PCSK5: variants seen among roughly 807,000 people sequenced by gnomAD.
PCSK5 encodes prohormone convertase 5.
In PCSK5, 129 loss-of-function variants were observed where a neutral mutation model predicts 233.2. The ratio of observed to expected loss-of-function variants is 0.55; its 90% CI spans 0.48 to 0.64. PCSK5 has a LOEUF of 0.64. PCSK5 is among the 30% of genes least tolerant of loss of function. PCSK5 has a pLI of 0.00. For synonymous variants in PCSK5, 825 were observed against 879.2 expected, an observed-to-expected ratio of 0.94 and a Z score of 1.09; for missense variants, 2,076 against 2,430.1, an observed-to-expected ratio of 0.85 and a Z score of 3.06.
chr9:75,938,349 A>G (rs912158399), intron 2 of PCSK5, among the ~76,000 whole-genome samples: 1 of 152,222 alleles, frequency 6.6e-6, no homozygotes, highest in South Asian at 2.1e-4. Flanking sequence ...GTCAGAACAA[A>G]CGCAACATTT....
At chr9:76,298,419 T>A (rs538623609) in intron 27 of PCSK5, among the ~76,000 whole-genome samples, 1 of 152,192 alleles carries the variant, frequency 6.6e-6, no homozygotes, top group Admixed American at 6.5e-5. Context: ...ACAAAAGCAA[T>A]CAAGTCAACG....
At position 75,890,993 on chromosome 9, in the gene PCSK5, A is replaced by G. The variant is rs1564062788; in HGVS notation, c.-189A>G. 4.3e-6 allele frequency: 2 copies of G among 468,082 alleles called. No individual in the cohort carries two copies. Among genetic ancestry groups the G allele is most frequent in the East Asian group, 7.2e-5 (2 of 27,760 alleles). The allele number at this position is 468,082 out of a possible 1,614,324, so 29.0% of individuals were successfully genotyped here. On this transcript the variant is annotated 5_prime_UTR_variant, in exon 1 of 38. The change abolishes the stop of an existing upstream ORF in the 5' untranslated region. Transcript: ENST00000674117. Reference sequence around the variant, plus strand: ...GTCCCGGCAGCCCCAGGGATGGTCTAGGAGCCGGCGTAAGGCTCGCTGCTC... The same window carrying G: ...GTCCCGGCAGCCCCAGGGATGGTCTGGGAGCCGGCGTAAGGCTCGCTGCTC...
chr9:76,147,694 C>T (rs1823496374), intron 10 of PCSK5, among the ~76,000 whole-genome samples: 1 of 152,194 alleles, frequency 6.6e-6, no homozygotes, highest in African/African-American at 2.4e-5. Flanking sequence ...ATCTTCTCTC[C>T]TGTGCATCTG....
At chr9:76,026,904 T>C (rs1828448577) in intron 4 of PCSK5, 57 bp from the exon 5 acceptor site, 1 of 1,160,254 alleles carries the variant, frequency 8.6e-7, no homozygotes, top group Non-Finnish European at 1.3e-6. Flanking sequence ...CTGTGGGTCA[T>C]TGGCTAATTA....
intron 20 of PCSK5, among the ~76,000 whole-genome samples, chr9:76,214,028 A>C (rs901822747): frequency 2.0e-5 from 3 of 152,178 alleles, no homozygotes; most frequent in African/African-American, 7.2e-5. Context: ...GAGACCCCAG[A>C]ATAAGCAAGA....
At chr9:76,263,982 A>G (rs559701242) in intron 24 of PCSK5, among the ~76,000 whole-genome samples, 5 of 152,302 alleles carry the variant, frequency 3.3e-5, no homozygotes, top group African/African-American at 1.2e-4. Flanking sequence ...GAACCAAAAA[A>G]GAGCCTGAAT....
chr9:76,273,576 C>CACAT (rs1827597799), intron 24 of PCSK5, among the ~76,000 whole-genome samples: 1 of 118,146 alleles, frequency 8.5e-6, no homozygotes, highest in Non-Finnish European at 1.8e-5. Flanking sequence ...TATATATATA[C>CACAT]ATATATATAT....
chr9:76,289,811 G>GT (rs35839244), intron 24 of PCSK5, among the ~76,000 whole-genome samples: 33,122 of 152,128 alleles, frequency 0.22, 3,786 homozygotes, highest in Middle Eastern at 0.3. Context: ...TTCATAAGCT[G>GT]TATAAGGCAC....
intron 7 of PCSK5, among the ~76,000 whole-genome samples, chr9:76,092,970 G>T (rs1831357241): frequency 6.6e-6 from 1 of 151,052 alleles, no homozygotes; most frequent in Non-Finnish European, 1.5e-5. Flanking sequence ...AAAATAAAAA[G>T]CTTTTCTGAT....
chr9:76,337,543 G>A (rs1280878218), intron 34 of PCSK5, among the ~76,000 whole-genome samples: 1 of 151,782 alleles, frequency 6.6e-6, no homozygotes, highest in Non-Finnish European at 1.5e-5. Flanking sequence ...GCATGATCTC[G>A]GCTCACTGCA....
chr9:76,107,437 G>A (rs1832024871), intron 9 of PCSK5, 86 bp downstream of exon 9: 4 of 697,092 alleles, frequency 5.7e-6, no homozygotes, highest in East Asian at 2.8e-5. Context: ...AGGACCCCTA[G>A]CATGACAACC....
chr9:76,236,215 C>CA (rs1219140321), intron 22 of PCSK5, among the ~76,000 whole-genome samples: 3 of 152,174 alleles, frequency 2.0e-5, no homozygotes, highest in African/African-American at 7.2e-5. Context: ...AGAATCCCTG[C>CA]ACCTTTCTTT....
chr9:76,279,019 G>A lies in PCSK5; in HGVS notation c.3143-13214G>A, dbSNP rs983856484. On this transcript the variant is annotated intron_variant, in intron 24 of 37. Transcript: ENST00000674117. ...GCTGGTGCGCTGCACCCACTAACTC[G>A]TCATCTAGCATTAGGCATGTCTCCC... 1.6e-4 allele frequency among the ~76,000 whole-genome samples: 24 copies of A among 149,866 alleles called. 1 individual carries two copies. The highest frequency in any genetic ancestry group is 1.3e-3 in the South Asian group (6 of 4,706).
chr9:76,231,497 A>T (rs993598646), intron 21 of PCSK5, among the ~76,000 whole-genome samples: 21 of 152,342 alleles, frequency 1.4e-4, no homozygotes, highest in African/African-American at 4.8e-4. Context: ...AAGAAAATAA[A>T]TCCCCAGAAT....
chr9:76,113,680 G>A (rs1429502690), intron 9 of PCSK5, among the ~76,000 whole-genome samples: 1 of 152,104 alleles, frequency 6.6e-6, no homozygotes, highest in Non-Finnish European at 1.5e-5. Flanking sequence ...GTTAAGGGAG[G>A]CCACATAGGA....
intron 3 of PCSK5, among the ~76,000 whole-genome samples, chr9:76,021,532 C>T (rs1828189289): frequency 6.6e-6 from 1 of 151,960 alleles, no homozygotes; most frequent in African/African-American, 2.4e-5. Flanking sequence ...TGTTCAGGGC[C>T]TCAGGTGCCA....
intron 27 of PCSK5, among the ~76,000 whole-genome samples, chr9:76,301,801 G>A (rs1262617084): frequency 2.6e-5 from 4 of 151,714 alleles, no homozygotes; most frequent in African/African-American, 4.8e-5. Context: ...CTGAGATGGC[G>A]CCACCGCACT....
intron 12 of PCSK5, among the ~76,000 whole-genome samples, chr9:76,159,622 G>A (rs1187076342): frequency 2.0e-5 from 3 of 152,146 alleles, no homozygotes; most frequent in Non-Finnish European, 4.4e-5. Flanking sequence ...CAATAAATGT[G>A]TTGAGCTGTG....
At chr9:76,030,435 C>A (rs1213521625) in intron 5 of PCSK5, among the ~76,000 whole-genome samples, 1 of 152,078 alleles carries the variant, frequency 6.6e-6, no homozygotes, top group Non-Finnish European at 1.5e-5. Flanking sequence ...AAGCCACAGT[C>A]AAAGACACAA....
Sources: allele counts gnomAD v4.1 joint callset (sites outside exome capture counted in the v4.1 genomes callset), GRCh38; gene constraint gnomAD v4.1.1; transcripts MANE v1.5; gene names NCBI Gene and HGNC (gene_info 2026-07-23, HGNC 2026-07-21).